DIP2C: variants seen among roughly 807,000 people sequenced by gnomAD.
DIP2C encodes disco-interacting protein 2 homolog C.
DIP2C carries 33 observed loss-of-function variants against 192.4 expected under a neutral mutation model. That is an observed-to-expected ratio of 0.17 (90% CI 0.13 to 0.23). The LOEUF (loss-of-function observed/expected upper bound fraction) is 0.23, where lower values mean the gene tolerates loss of function less well. Ranked by LOEUF, DIP2C falls within the 10% of genes least tolerant of loss-of-function variation. DIP2C has a pLI of 1.00. For missense variants in DIP2C, 1,537 were observed against 2,110.1 expected (o/e 0.73, Z 5.32); for synonymous variants, 979 against 864.1 (o/e 1.13, Z -2.33).
At chr10:523,460 T>C (rs2445590) in intron 1 of DIP2C, among the ~76,000 whole-genome samples, 2,939 of 10,034 alleles carry the variant, frequency 0.29, 298 homozygotes, top group East Asian at 0.35. Flanking sequence ...TCGTTTCTAC[T>C]GGATGCAAAG....
At chr10:628,253 G>A (rs933474132) in intron 1 of DIP2C, among the ~76,000 whole-genome samples, 1 of 152,222 alleles carries the variant, frequency 6.6e-6, no homozygotes, top group African/African-American at 2.4e-5. Context: ...AGGTAGAACA[G>A]TGTTCCATAA....
chr10:359,073 C>G (rs1346902688), intron 22 of DIP2C, among the ~76,000 whole-genome samples: 1 of 152,134 alleles, frequency 6.6e-6, no homozygotes, highest in African/African-American at 2.4e-5. Flanking sequence ...TTGCTCATAG[C>G]CGTGTCAAAA....
chr10:516,994 C>T (rs1364305135), intron 1 of DIP2C, among the ~76,000 whole-genome samples: 2 of 151,578 alleles, frequency 1.3e-5, no homozygotes, highest in Non-Finnish European at 2.9e-5. Flanking sequence ...ACAGGAAGTA[C>T]CAACTCAGGC....
At chr10:487,327 C>G (rs1203285331) in intron 1 of DIP2C, among the ~76,000 whole-genome samples, 1 of 152,136 alleles carries the variant, frequency 6.6e-6, no homozygotes, top group East Asian at 1.9e-4. Context: ...AAAATTCAAG[C>G]TTTAACAAAA....
At chr10:367,309 C>T (rs914780205) in intron 18 of DIP2C, among the ~76,000 whole-genome samples, 11 of 151,580 alleles carry the variant, frequency 7.3e-5, no homozygotes, top group African/African-American at 2.4e-4. Context: ...CCCAGCTCCT[C>T]GGGAGGCGGA....
At chr10:528,942 G>A (rs890347466) in intron 1 of DIP2C, among the ~76,000 whole-genome samples, 1 of 152,192 alleles carries the variant, frequency 6.6e-6, no homozygotes, top group Non-Finnish European at 1.5e-5. Context: ...CAACAGGAAC[G>A]AGAACACTAC....
chr10:541,570 C>T (rs550816203), intron 1 of DIP2C, among the ~76,000 whole-genome samples: 2 of 148,500 alleles, frequency 1.3e-5, no homozygotes, highest in East Asian at 4.0e-4. Context: ...CCTGAACACC[C>T]CCATCTCTCC....
At chr10:494,212 T>G (rs966429733) in intron 1 of DIP2C, among the ~76,000 whole-genome samples, 1 of 152,158 alleles carries the variant, frequency 6.6e-6, no homozygotes, top group Non-Finnish European at 1.5e-5. Flanking sequence ...TGGAATCACT[T>G]TGACAGCAGA....
In DIP2C at chr10:649,012, T is replaced by C. The variant is rs543649596; in HGVS notation, c.85+40482A>G. Among the ~76,000 whole-genome samples, 40 of 147,332 alleles carry C rather than the reference T, an allele frequency of 2.7e-4. 1 individual carries two copies. The highest frequency in any genetic ancestry group is 5.7e-4 in the Non-Finnish European group (38 of 66,924). ...AGGGAAACTGAGCCCACATCCACAT[T>C]TGAGGGTGGGTGAGAACAGAGGGAA... On this transcript the variant is annotated intron_variant, in intron 1 of 36. Coordinates refer to ENST00000280886, the MANE Select transcript of DIP2C (RefSeq NM_014974.3).
intron 1 of DIP2C, among the ~76,000 whole-genome samples, chr10:562,005 T>TAGTG (rs1849246269): frequency 6.6e-6 from 1 of 152,206 alleles, no homozygotes; most frequent in South Asian, 2.1e-4. Context: ...CACCAGACTA[T>TAGTG]AGTGATTCTA....
chr10:338,957 G>A (rs1242393965), intron 29 of DIP2C, among the ~76,000 whole-genome samples: 3 of 151,464 alleles, frequency 2.0e-5, no homozygotes, highest in Non-Finnish European at 2.9e-5. Context: ...AATGCACCCT[G>A]CCTGGCTCCC....
chr10:439,499 C>T (rs575714281), intron 4 of DIP2C, among the ~76,000 whole-genome samples: 1 of 152,316 alleles, frequency 6.6e-6, no homozygotes, highest in African/African-American at 2.4e-5. Context: ...CACCTGTGGT[C>T]CCAGGTGCTT....
rs1450479810 is a variant in DIP2C, at chr10:419,557, AG to A, written c.605-359del. 5.9e-5 allele frequency among the ~76,000 whole-genome samples: 9 copies of A among 152,294 alleles called. No homozygotes were observed. In the East Asian group the frequency reaches 1.5e-3, roughly 26 times the overall value. On this transcript the variant is annotated intron_variant, in intron 5 of 36. Coordinates refer to ENST00000280886, the MANE Select transcript of DIP2C (RefSeq NM_014974.3). The stretch of plus-strand genomic sequence containing the variant: ...GTTTCCTGTCTGCCACAGTCGACGC[AG>A]CCAAAGGCCTGGAATTGGAAACCCG...
At chr10:646,142 A>T (rs1319827733) in intron 1 of DIP2C, among the ~76,000 whole-genome samples, 2 of 152,188 alleles carry the variant, frequency 1.3e-5, no homozygotes, top group African/African-American at 4.8e-5. Context: ...ACCTGGAGAA[A>T]CGCATGCTCG....
At chr10:669,986 T>C (rs146335361) in intron 1 of DIP2C, among the ~76,000 whole-genome samples, 67 of 152,336 alleles carry the variant, frequency 4.4e-4, no homozygotes, top group African/African-American at 1.5e-3. Flanking sequence ...AATGATGAGC[T>C]ACCCATTTTC....
At chr10:302,587 C>G (rs1477524636) in intron 32 of DIP2C, among the ~76,000 whole-genome samples, 1 of 152,124 alleles carries the variant, frequency 6.6e-6, no homozygotes, top group East Asian at 1.9e-4. Context: ...GCTGTCAGTC[C>G]ATTGTGTCAT....
intron 10 of DIP2C, among the ~76,000 whole-genome samples, chr10:391,646 A>G (rs2132955162): frequency 6.6e-6 from 1 of 152,326 alleles, no homozygotes; most frequent in East Asian, 1.9e-4. Flanking sequence ...TATTTGATTC[A>G]TAAAATAAAC....
chr10:428,129 T>C (rs1452848313), intron 4 of DIP2C, among the ~76,000 whole-genome samples: 1 of 152,124 alleles, frequency 6.6e-6, no homozygotes, highest in Non-Finnish European at 1.5e-5. Flanking sequence ...CAGGTGAAGG[T>C]GTAGAGAAGC....
At chr10:444,308 C>A in intron 3 of DIP2C, among the ~76,000 whole-genome samples, 1 of 117,640 alleles carries the variant, frequency 8.5e-6, no homozygotes, top group Admixed American at 7.6e-5. Flanking sequence ...TGGCACTGTT[C>A]CGTCACCCGA....
Sources: gnomAD v4.1 joint callset for allele counts (sites outside exome capture counted in the v4.1 genomes callset) on GRCh38, gnomAD v4.1.1 for gene constraint, MANE v1.5 for transcripts, NCBI Gene and HGNC (gene_info 2026-07-23, HGNC 2026-07-21) for gene names.